SEMA6A: variants seen among roughly 807,000 people sequenced by gnomAD.
SEMA6A encodes semaphorin 6A.
In SEMA6A, 25 loss-of-function variants were observed where a neutral mutation model predicts 96.8. The ratio of observed to expected loss-of-function variants is 0.26; its 90% CI spans 0.19 to 0.36. SEMA6A has a LOEUF of 0.36. SEMA6A is among the 10% of genes least tolerant of loss of function. The pLI is 1.00. For missense variants in SEMA6A, 1,363 were observed against 1,323.1 expected (o/e 1.03, Z -0.47); for synonymous variants, 612 against 518.0 (o/e 1.18, Z -2.46).
In SEMA6A at chr5:116,446,900, T is replaced by C; in HGVS notation, c.2806A>G (p.Arg936Gly). 1 of 1,613,964 alleles carries C rather than the reference T, an allele frequency of 6.2e-7. No homozygotes were observed. Among genetic ancestry groups the C allele is most frequent in the Non-Finnish European group, 8.5e-7 (1 of 1,179,886 alleles). Residue 936 changes from arginine (R) to glycine (G), a missense_variant, in exon 19 of 19, where the codon AGA (arginine) becomes GGA (glycine). Arg to Gly is a moderately radical substitution (Grantham distance 125). Coordinates refer to ENST00000343348, the MANE Select transcript of SEMA6A (RefSeq NM_020796.5). ...TRSHQATTLK[R>G]NNTNSSNSSH... is the part of the protein sequence containing the mutation. ...GAATTGGAGGAGTTAGTGTTGTTTC[T>C]TTTGAGAGTGGTGGCCTGGTGGCTT...
chr5:116,512,749 T>C (rs895353210), intron 1 of SEMA6A, among the ~76,000 whole-genome samples: 1 of 152,122 alleles, frequency 6.6e-6, no homozygotes, highest in African/African-American at 2.4e-5. Flanking sequence ...GGATGTTTAT[T>C]GCACATTTAT....
chr5:116,456,964 A>T (rs1028484368), intron 18 of SEMA6A, among the ~76,000 whole-genome samples: 4 of 152,176 alleles, frequency 2.6e-5, no homozygotes, highest in African/African-American at 9.7e-5. Flanking sequence ...TCTCCTTTAT[A>T]TTCCCGGGGT....
At chr5:116,505,063 T>A (rs746421479) in intron 1 of SEMA6A, 81 bp from the exon 2 acceptor site, 64 of 654,634 alleles carry the variant, frequency 9.8e-5, no homozygotes, top group Non-Finnish European at 1.5e-4. Flanking sequence ...AAAGATAAAT[T>A]CGAGAGAAAA....
Position 116,541,789 on chromosome 5 carries a change from C to T in SEMA6A, c.-39+32396G>A, listed in dbSNP as rs58416477. 7.4e-3 allele frequency among the ~76,000 whole-genome samples: 1,120 copies of T among 152,214 alleles called. 14 individuals are homozygous for T. The highest frequency in any genetic ancestry group is 0.025 in the African/African-American group (1,046 of 41,538). ...TGGAGGTTGCAGTGAGCTGAGATCACGCCACTGCACTCCAGCCTGGGCGAC... is the reference window on the plus strand; with the variant it reads ...TGGAGGTTGCAGTGAGCTGAGATCATGCCACTGCACTCCAGCCTGGGCGAC... On this transcript the variant is annotated intron_variant, in intron 1 of 18. Transcript: ENST00000343348.
intron 1 of SEMA6A, among the ~76,000 whole-genome samples, chr5:116,509,553 A>C (rs753401226): frequency 7.9e-5 from 12 of 151,978 alleles, no homozygotes; most frequent in Non-Finnish European, 1.3e-4. Context: ...CGGCTCTGTG[A>C]TGGTACTGTT....
rs771838591 is a variant in SEMA6A, at chr5:116,480,126, C to T, written c.1246G>A (p.Val416Ile). The T allele has an allele frequency of 1.2e-6, 2 of 1,613,722 alleles. No individual in the cohort carries two copies. The highest frequency in any genetic ancestry group is 2.2e-5 in the East Asian group (1 of 44,870). The change falls in exon 12 of 19, where the codon GTC becomes ATC. Residue 416 changes from valine to isoleucine, a missense_variant. Physicochemically the swap from Val to Ile is conservative, Grantham distance 29. Around this residue, in one of 2 missense-constraint regions of SEMA6A, gnomAD observed 480 missense variants for 559.5 expected, o/e 0.86. Coordinates refer to ENST00000343348, the MANE Select transcript of SEMA6A (RefSeq NM_020796.5). ...FNRPWFLRTM[V>I]RYRLTKIAVD... The stretch of plus-strand genomic sequence containing the variant: ...CACGGTTTGTTTGACACCCACCTGA[C>T]CATTGTTCTCAGGAACCATGGCCTG...
intron 8 of SEMA6A, 32 bp downstream of exon 8, chr5:116,488,856 T>A: frequency 6.5e-7 from 1 of 1,540,518 alleles, no homozygotes; most frequent in Non-Finnish European, 8.8e-7. Flanking sequence ...TCCCCTCCCC[T>A]CCGACCCTCC....
intron 1 of SEMA6A, among the ~76,000 whole-genome samples, chr5:116,573,521 AGCCCGGAACCTCTGGTG>A (rs1243905549): frequency 2.6e-5 from 4 of 152,072 alleles, no homozygotes; most frequent in Admixed American, 2.6e-4. Flanking sequence ...GAGCAAACAA[AGCCCGGAACCTCTGGTG>A]GCAGCGGCCA....
At chr5:116,532,136 A>G (rs1202778996) in intron 1 of SEMA6A, among the ~76,000 whole-genome samples, 6 of 152,186 alleles carry the variant, frequency 3.9e-5, no homozygotes, top group Non-Finnish European at 8.8e-5. Flanking sequence ...TTCGAGTGCT[A>G]TTTCTTTGTG....
At chr5:116,482,398 T>G (rs1756828029) in intron 11 of SEMA6A, 46 bp downstream of exon 11, 3 of 1,587,598 alleles carry the variant, frequency 1.9e-6, no homozygotes, top group Non-Finnish European at 8.6e-7. Context: ...GTGCAAGCTT[T>G]GCCATTTCTA....
At chr5:116,453,639 T>C (rs1754792950) in intron 18 of SEMA6A, among the ~76,000 whole-genome samples, 2 of 152,338 alleles carry the variant, frequency 1.3e-5, no homozygotes, top group South Asian at 2.1e-4. Flanking sequence ...TCTTGGTTAA[T>C]TTATCTGCAG....
At chr5:116,527,812 G>A (rs1759296830) in intron 1 of SEMA6A, among the ~76,000 whole-genome samples, 3 of 152,154 alleles carry the variant, frequency 2.0e-5, no homozygotes, top group East Asian at 3.9e-4. Flanking sequence ...ACAAAACCTT[G>A]GATAAGATTA....
At chr5:116,572,931 C>A (rs1156637381) in intron 1 of SEMA6A, among the ~76,000 whole-genome samples, 3 of 152,144 alleles carry the variant, frequency 2.0e-5, no homozygotes, top group Admixed American at 1.3e-4. Flanking sequence ...GGAGGAGGCG[C>A]TGGGCGGAGG....
At chr5:116,478,944 GT>G (rs1756612752) in intron 12 of SEMA6A, among the ~76,000 whole-genome samples, 1 of 151,656 alleles carries the variant, frequency 6.6e-6, no homozygotes, top group African/African-American at 2.4e-5. Context: ...GTGTGTGTGT[GT>G]GTGTGTGTGT....
At chr5:116,573,175 C>T (rs980174794) in intron 1 of SEMA6A, among the ~76,000 whole-genome samples, 5 of 152,176 alleles carry the variant, frequency 3.3e-5, no homozygotes, top group African/African-American at 1.2e-4. Flanking sequence ...GGGCACTGCC[C>T]GGCTTACTCT....
At chr5:116,519,664 TACACACACACACAC>T (rs72233200) in intron 1 of SEMA6A, among the ~76,000 whole-genome samples, 40 of 147,028 alleles carry the variant, frequency 2.7e-4, no homozygotes, top group African/African-American at 8.4e-4. Context: ...ATGCTGTGTG[TACACACACACACAC>T]ACACACACAC....
chr5:116,483,626 GAAT>G (rs952512865), intron 10 of SEMA6A, among the ~76,000 whole-genome samples: 1 of 152,072 alleles, frequency 6.6e-6, no homozygotes, highest in Admixed American at 6.6e-5. Flanking sequence ...GAAAATTATT[GAAT>G]AATAATTGCT....
chr5:116,479,111 C>T (rs1410306612), intron 12 of SEMA6A, among the ~76,000 whole-genome samples: 1 of 152,172 alleles, frequency 6.6e-6, no homozygotes, highest in African/African-American at 2.4e-5. Flanking sequence ...CATTGAAAAG[C>T]AATGACTGCG....
At chr5:116,488,388 ATC>A (rs1410616488) in intron 8 of SEMA6A, among the ~76,000 whole-genome samples, 192 bp from the exon 9 acceptor site, 26 of 152,354 alleles carry the variant, frequency 1.7e-4, no homozygotes, top group African/African-American at 6.0e-4. Flanking sequence ...CTTACACATT[ATC>A]TCTTTCAGAA....
Sources: gnomAD v4.1 joint callset for allele counts (sites outside exome capture counted in the v4.1 genomes callset) on GRCh38, gnomAD v4.1.1 for gene constraint, gnomAD v4.1.1 regional missense constraint, MANE v1.5 for transcripts, NCBI Gene and HGNC (gene_info 2026-07-23, HGNC 2026-07-21) for gene names.